The following NTRK3 variants were observed in gnomAD, a reference collection of about 807,000 sequenced individuals.
NTRK3 encodes NT-3 growth factor receptor.
Under a neutral mutation model 91.7 loss-of-function variants are expected in NTRK3, and 24 were observed. The ratio of observed to expected loss-of-function variants is 0.26; its 90% CI spans 0.19 to 0.37. NTRK3 has a LOEUF of 0.37. Among genes scored for constraint, NTRK3 ranks in the 10% least tolerant of loss-of-function variants. The probability of loss-of-function intolerance (pLI) is 1.00; values close to 1 mark genes in which losing one functional copy is unlikely to be tolerated. For synonymous variants in NTRK3, 483 were observed against 404.0 expected (o/e 1.20, Z -2.34); for missense variants, 880 against 1,068.9 (o/e 0.82, Z 2.46).
intron 14 of NTRK3, among the ~76,000 whole-genome samples, chr15:87,953,284 G>A (rs947205148): frequency 6.6e-6 from 1 of 152,350 alleles, no homozygotes. Context: ...CTTGGATCAG[G>A]TCCATGTGTG....
chr15:87,906,910 G>A (rs1009713344), intron 17 of NTRK3, among the ~76,000 whole-genome samples: 1 of 151,972 alleles, frequency 6.6e-6, no homozygotes. Flanking sequence ...TAAGGGCAGC[G>A]ATTTTTGTCT....
chr15:88,224,180 G>A (rs1405442198), intron 3 of NTRK3, among the ~76,000 whole-genome samples: 2 of 152,210 alleles, frequency 1.3e-5, no homozygotes, highest in Non-Finnish European at 2.9e-5. Flanking sequence ...TGAGCATGGG[G>A]CTGAGAAAGA....
intron 17 of NTRK3, among the ~76,000 whole-genome samples, chr15:87,886,691 T>TATATATATATATATATATATAC (rs1228878589): frequency 1.4e-5 from 2 of 141,356 alleles, no homozygotes; most frequent in African/African-American, 5.3e-5. Flanking sequence ...TATATATATA[T>TATATATATATATATATATATAC]ATATATATAC....
At chr15:87,989,153 G>A (rs2075087802) in intron 14 of NTRK3, among the ~76,000 whole-genome samples, 1 of 152,082 alleles carries the variant, frequency 6.6e-6, no homozygotes, top group African/African-American at 2.4e-5. Flanking sequence ...CCATTACTGG[G>A]TATATACCCA....
intron 5 of NTRK3, among the ~76,000 whole-genome samples, chr15:88,151,429 A>C (rs560687974): frequency 1.3e-5 from 2 of 152,220 alleles, no homozygotes; most frequent in South Asian, 4.2e-4. Flanking sequence ...TTAACCCCAT[A>C]ATGAACAGGG....
At chr15:88,126,462 C>G in intron 12 of NTRK3, 89 bp from the exon 13 acceptor site, 1 of 807,806 alleles carries the variant, frequency 1.2e-6, no homozygotes, top group South Asian at 1.5e-5. Context: ...TAAGAACAGT[C>G]CTACTGCCAT....
intron 14 of NTRK3, among the ~76,000 whole-genome samples, chr15:87,957,024 C>T (rs1300857476): frequency 1.3e-5 from 2 of 152,196 alleles, no homozygotes; most frequent in African/African-American, 2.4e-5. Context: ...TCACCCAATC[C>T]TCTTAGCTCC....
At chr15:87,877,553 C>T (rs1218915623) in intron 18 of NTRK3, among the ~76,000 whole-genome samples, 1 of 152,156 alleles carries the variant, frequency 6.6e-6, no homozygotes, top group African/African-American at 2.4e-5. Context: ...AGGAGCTCTG[C>T]ACCCTCTGGC....
intron 17 of NTRK3, among the ~76,000 whole-genome samples, chr15:87,926,295 G>A (rs1212500939): frequency 6.6e-6 from 1 of 152,178 alleles, no homozygotes; most frequent in African/African-American, 2.4e-5. Flanking sequence ...TTAGGACACT[G>A]TGAGTAAGTG....
chr15:88,067,374 C>A (rs1186334790), intron 13 of NTRK3, among the ~76,000 whole-genome samples: 2 of 152,232 alleles, frequency 1.3e-5, no homozygotes, highest in African/African-American at 4.8e-5. Context: ...GATAGAATAT[C>A]TACCATCCCT....
intron 17 of NTRK3, among the ~76,000 whole-genome samples, chr15:87,911,861 T>A (rs970455785): frequency 6.6e-6 from 1 of 152,206 alleles, no homozygotes; most frequent in African/African-American, 2.4e-5. Context: ...ATATAATCAG[T>A]GAAATAAGGC....
At chr15:87,998,742 T>C (rs1180989248) in intron 14 of NTRK3, among the ~76,000 whole-genome samples, 2 of 152,144 alleles carry the variant, frequency 1.3e-5, no homozygotes, top group African/African-American at 2.4e-5. Flanking sequence ...ACAGACTCCA[T>C]TGAAACAATT....
At chr15:88,179,446 C>T (rs1266729582) in intron 5 of NTRK3, among the ~76,000 whole-genome samples, 1 of 152,156 alleles carries the variant, frequency 6.6e-6, no homozygotes, top group African/African-American at 2.4e-5. Context: ...CATACCCCTG[C>T]CCCAAGGATG....
At chr15:88,013,279 C>T (rs2077008899) in intron 14 of NTRK3, among the ~76,000 whole-genome samples, 1 of 152,220 alleles carries the variant, frequency 6.6e-6, no homozygotes, top group African/African-American at 2.4e-5. Flanking sequence ...CCGCATCTTC[C>T]TCTAGGTCAG....
intron 17 of NTRK3, among the ~76,000 whole-genome samples, chr15:87,922,606 A>G (rs1349238440): frequency 6.6e-6 from 1 of 152,212 alleles, no homozygotes; most frequent in African/African-American, 2.4e-5. Flanking sequence ...TTACTCATAT[A>G]ATTTTAGGAA....
At chr15:88,002,560 G>C (rs573656545) in intron 14 of NTRK3, among the ~76,000 whole-genome samples, 1 of 152,028 alleles carries the variant, frequency 6.6e-6, no homozygotes, top group African/African-American at 2.4e-5. Context: ...TCTTAGGATA[G>C]ATTTTTGATC....
chr15:88,232,077 C>T (rs189048931), intron 3 of NTRK3, among the ~76,000 whole-genome samples: 1 of 152,294 alleles, frequency 6.6e-6, no homozygotes, highest in Admixed American at 6.5e-5. Context: ...CTCATGGCCC[C>T]TCCATGCTCC....
intron 14 of NTRK3, among the ~76,000 whole-genome samples, chr15:87,986,961 C>A (rs1055705034): frequency 5.9e-5 from 9 of 152,202 alleles, no homozygotes; most frequent in Non-Finnish European, 8.8e-5. Context: ...TAGGCAAGAG[C>A]CAGATTTGGC....
At chr15:88,244,192 C>T (rs2052624366) in intron 3 of NTRK3, among the ~76,000 whole-genome samples, 2 of 152,188 alleles carry the variant, frequency 1.3e-5, no homozygotes, top group African/African-American at 2.4e-5. Context: ...TGTGACCTAA[C>T]TTCATATTTC....
Sources: gnomAD v4.1 joint callset for allele counts (sites outside exome capture counted in the v4.1 genomes callset) on GRCh38, gnomAD v4.1.1 for gene constraint, MANE v1.5 for transcripts, NCBI Gene and HGNC (gene_info 2026-07-23, HGNC 2026-07-21) for gene names.